Variants in SH2D5 observed in about 807,000 individuals in gnomAD.
The protein encoded by SH2D5 is SH2 domain-containing protein 5.
SH2D5 carries 45 observed loss-of-function variants against 48.2 expected under a neutral mutation model. The ratio of observed to expected loss-of-function variants is 0.93; its 90% CI spans 0.73 to 1.20. SH2D5 has a LOEUF of 1.20. Ranked by LOEUF, SH2D5 falls within the 50% of genes most tolerant of loss-of-function variation. The pLI, the probability that SH2D5 is intolerant of heterozygous loss-of-function variation, is 0.00. For synonymous variants in SH2D5, 230 were observed against 249.8 expected, an observed-to-expected ratio of 0.92 and a Z score of 0.75; for missense variants, 538 against 584.1, an observed-to-expected ratio of 0.92 and a Z score of 0.81.
Position 20,728,030 on chromosome 1 carries a change from C to T in SH2D5, c.15G>A (p.Gly5=), listed in dbSNP as rs1170505041. ...AGTCAGAGGCCCTGCGGCCCCCAGC[C>T]CCCGCCTTCTGCATGGCCCCCAGGG... MQKA[G]AGGRRASDCG... is the part of the protein sequence containing the mutation. The change falls in exon 2 of 10, where the codon GGG becomes GGA. Residue 5 remains glycine, a synonymous_variant. Coordinates refer to ENST00000444387, the MANE Select transcript of SH2D5 (RefSeq NM_001103161.2). This position sits in a 1 kb window ranked among gnomAD's most constrained non-coding sequence, Gnocchi z 4.3. 5 of 1,551,120 alleles carry T rather than the reference C, an allele frequency of 3.2e-6. No individual in the cohort carries two copies. The highest frequency in any genetic ancestry group is 1.9e-5 in the Admixed American group (1 of 51,844).
intron 3 of SH2D5, 98 bp downstream of exon 3, chr1:20,727,425 C>A: frequency 1.7e-6 from 2 of 1,187,660 alleles, no homozygotes; most frequent in Non-Finnish European, 2.4e-6. Context: ...TGTGTCCTGC[C>A]CCTCTCTAAC....
intron 9 of SH2D5, among the ~76,000 whole-genome samples, chr1:20,722,203 G>A (rs1331103084): frequency 6.6e-6 from 1 of 152,190 alleles, no homozygotes; most frequent in Admixed American, 6.5e-5. Flanking sequence ...TTGGAAGTAA[G>A]GGTACACATG....
At position 20,728,680 on chromosome 1, in the gene SH2D5, C is replaced by A. The variant is rs2054854128; in HGVS notation, c.-42-594G>T. Among the ~76,000 whole-genome samples the A allele has an allele frequency of 6.6e-6, 1 of 152,216 alleles. No individual in the cohort carries two copies. Among genetic ancestry groups the A allele is most frequent in the East Asian group, 1.9e-4 (1 of 5,200 alleles). ...CAGGCAGTGGGGGCCCGCAGGCCGACCTCAGCCCTTATCAGAAGGGCAGGC... is the reference window on the plus strand; with the variant it reads ...CAGGCAGTGGGGGCCCGCAGGCCGAACTCAGCCCTTATCAGAAGGGCAGGC... On this transcript the variant is annotated intron_variant, in intron 1 of 9. Transcript: ENST00000444387. This position sits in a 1 kb window ranked among gnomAD's most constrained non-coding sequence, Gnocchi z 4.3.
chr1:20,722,885 G>A lies in SH2D5; in HGVS notation c.939C>T (p.Asp313=), dbSNP rs372422158. ...RPCALALLRR[D]VLGAFLLWPE... is the part of the protein sequence containing the mutation. ...GCCACAGCAGGAAGGCCCCCAGCAC[G>A]TCTCTCCGCAACAGGGCCAGGGCAC... The change falls in exon 9 of 10, where the codon GAC becomes GAT. Residue 313 remains aspartate (D), a synonymous_variant. Transcript: ENST00000444387. The A allele has an allele frequency of 1.1e-4, 182 of 1,603,358 alleles. No homozygotes were observed. The highest frequency in any genetic ancestry group is 1.7e-4 in the Middle Eastern group (1 of 6,016).
chr1:20,728,107 A>T lies in SH2D5; in HGVS notation c.-42-21T>A. Reference sequence around the variant, plus strand: ...GGAGGCTGCAAAGGGCAGGGGGGGAAGGGCTGCTTTCGAGGCAGGCAAGCC... The same window carrying T: ...GGAGGCTGCAAAGGGCAGGGGGGGATGGGCTGCTTTCGAGGCAGGCAAGCC... On this transcript the variant is annotated intron_variant, in intron 1 of 9. Coordinates refer to ENST00000444387, the MANE Select transcript of SH2D5 (RefSeq NM_001103161.2). The surrounding 1 kb of genome is among the most constrained non-coding windows in gnomAD (Gnocchi z 4.3). 8.0e-7 allele frequency: 1 copy of T among 1,243,040 alleles called. No individual in the cohort carries two copies. Among genetic ancestry groups the T allele is most frequent in the South Asian group, 1.3e-5 (1 of 76,146 alleles). 77.0% of individuals were successfully genotyped at this position (1,243,040 alleles called of 1,614,324 possible). A position where few individuals can be genotyped will look rare whatever the true frequency, so the allele number is the denominator to read the frequency against.
intron 7 of SH2D5, 55 bp from the exon 8 acceptor site, chr1:20,723,789 G>GCGGC: frequency 7.0e-7 from 1 of 1,419,394 alleles, no homozygotes; most frequent in Non-Finnish European, 9.8e-7. Flanking sequence ...CCCATTCCCT[G>GCGGC]CGGCCGCAGG....
intron 8 of SH2D5, 136 bp from the exon 9 acceptor site, chr1:20,723,051 C>T: frequency 1.2e-6 from 1 of 817,444 alleles, no homozygotes; most frequent in Non-Finnish European, 1.7e-6. Flanking sequence ...CTCAGTGGCT[C>T]ATGCCTGTAA....
chr1:20,723,053 T>C (rs1044008409), intron 8 of SH2D5, 138 bp from the exon 9 acceptor site: 28 of 800,014 alleles, frequency 3.5e-5, no homozygotes, highest in Non-Finnish European at 4.3e-5. Context: ...CAGTGGCTCA[T>C]GCCTGTAATC....
In SH2D5 at chr1:20,726,381, G is replaced by A. The variant is rs149687006; in HGVS notation, c.244-315C>T. On this transcript the variant is annotated intron_variant, in intron 4 of 9. Transcript: ENST00000444387. ...GGCAGGTGAGGGCAGTCCTCTGAGC[G>A]CCTGTTGTGACGTGTCAGGTAGGGA... 5.9e-5 allele frequency among the ~76,000 whole-genome samples: 9 copies of A among 152,268 alleles called. No individual in the cohort carries two copies. The East Asian group carries it at 1.2e-3, about 20-fold the overall frequency.
Position 20,723,708 on chromosome 1 carries a change from G to A in SH2D5, c.826C>T (p.Arg276Trp), listed in dbSNP as rs184773097. The A allele has an allele frequency of 8.2e-5, 133 of 1,612,940 alleles. No individual in the cohort carries two copies. The Middle Eastern group carries it at 1.8e-3, about 22-fold the overall frequency. Residue 276 changes from arginine (R) to tryptophan (W), a missense_variant, in exon 8 of 10, where the codon CGG (arginine) becomes TGG (tryptophan). By Grantham distance (101) the Arg-to-Trp change is moderately radical (BLOSUM62 -3). Coordinates refer to ENST00000444387, the MANE Select transcript of SH2D5 (RefSeq NM_001103161.2). ...AGGCACGAGTGGCCACCAGGACCCC[G>A]GGGCCATGCCTCCCATGCGGCAGGA... ...AFPAAWEAWP[R>W]GPGGHSCLVE...
intron 9 of SH2D5, 72 bp from the exon 10 acceptor site, chr1:20,722,067 C>CA: frequency 3.5e-6 from 5 of 1,420,210 alleles, no homozygotes; most frequent in Non-Finnish European, 4.8e-6. Flanking sequence ...CACCCGCTCC[C>CA]ACAGGAGCCT....
chr1:20,721,206 C>A lies in SH2D5; in HGVS notation c.*586G>T. ...CCCTCCTGCCCTCTCTGCACCTTCCCACCCCTCCTTCACTCTCAGATACAT... is the reference window on the plus strand; with the variant it reads ...CCCTCCTGCCCTCTCTGCACCTTCCAACCCCTCCTTCACTCTCAGATACAT... On this transcript the variant is annotated 3_prime_UTR_variant, in exon 10 of 10. Transcript: ENST00000444387. The A allele has an allele frequency of 6.5e-6, 1 of 153,604 alleles. No individual in the cohort carries two copies. The allele number at this position is 153,604 out of a possible 1,614,324, so 9.5% of individuals were successfully genotyped here. A position where few individuals can be genotyped will look rare whatever the true frequency, so the allele number is the denominator to read the frequency against.
intron 1 of SH2D5, among the ~76,000 whole-genome samples, chr1:20,731,819 C>T (rs939281410): frequency 8.0e-4 from 121 of 152,140 alleles, no homozygotes; most frequent in African/African-American, 2.6e-3. Flanking sequence ...GCCAGGGGCC[C>T]CGGCAGAGTC....
intron 4 of SH2D5, 44 bp downstream of exon 4, chr1:20,726,957 C>A (rs772909151): frequency 6.6e-7 from 1 of 1,521,398 alleles, no homozygotes; most frequent in African/African-American, 1.4e-5. Flanking sequence ...GGTGGAGACA[C>A]CTGTACCCCT....
chr1:20,722,886 T>A lies in SH2D5; in HGVS notation c.938A>T (p.Asp313Val), dbSNP rs2054715458. ...CCACAGCAGGAAGGCCCCCAGCACG[T>A]CTCTCCGCAACAGGGCCAGGGCACA... ...RPCALALLRR[D>V]VLGAFLLWPE... is the part of the protein sequence containing the mutation. Residue 313 changes from aspartate to valine, a missense_variant, in exon 9 of 10, where the codon GAC becomes GTC. Coordinates refer to ENST00000444387, the MANE Select transcript of SH2D5 (RefSeq NM_001103161.2). 1 of 1,602,996 alleles carries A rather than the reference T, an allele frequency of 6.2e-7. No individual in the cohort carries two copies. The highest frequency in any genetic ancestry group is 1.7e-5 in the Admixed American group (1 of 58,826).
At position 20,732,205 on chromosome 1, in the gene SH2D5, C is replaced by T. The variant is rs1417223695; in HGVS notation, c.-67G>A. 1 of 152,136 alleles carries T rather than the reference C, an allele frequency of 6.6e-6. No homozygotes were observed. Among genetic ancestry groups the T allele is most frequent in the African/African-American group, 2.4e-5 (1 of 41,440 alleles). The allele number at this position is 152,136 out of a possible 1,614,324, so 9.4% of individuals were successfully genotyped here. A position where few individuals can be genotyped will look rare whatever the true frequency, so the allele number is the denominator to read the frequency against. ...CCAATCGGCGCCCGCGGAGCCGCTC[C>T]GCTCGGCCGCACCACCCAATCAGCG... On this transcript the variant is annotated 5_prime_UTR_variant, in exon 1 of 10. Transcript: ENST00000444387. This position sits in a 1 kb window ranked among gnomAD's most constrained non-coding sequence, Gnocchi z 5.1.
At chr1:20,725,857 C>G in intron 5 of SH2D5, 63 bp downstream of exon 5, 1 of 1,589,804 alleles carries the variant, frequency 6.3e-7, no homozygotes, top group Non-Finnish European at 8.6e-7. Flanking sequence ...GGAACCCACC[C>G]TGATGCCTGG....
At chr1:20,724,371 A>T (rs540427416) in intron 6 of SH2D5, 25 bp downstream of exon 6, 2 of 1,608,964 alleles carry the variant, frequency 1.2e-6, no homozygotes, top group African/African-American at 2.7e-5. Flanking sequence ...TCCACTGCCC[A>T]CTCCTTGGCT....
At chr1:20,722,656 A>T in intron 9 of SH2D5, 100 bp downstream of exon 9, 1 of 1,243,850 alleles carries the variant, frequency 8.0e-7, no homozygotes, top group Non-Finnish European at 1.1e-6. Context: ...GGTGAGGCAC[A>T]TTCAGGACCT....
Sources: gnomAD v4.1 joint callset for allele counts (sites outside exome capture counted in the v4.1 genomes callset) on GRCh38, gnomAD v4.1.1 for gene constraint, Gnocchi (gnomAD v3.1) non-coding constraint, MANE v1.5 for transcripts, NCBI Gene and HGNC (gene_info 2026-07-23, HGNC 2026-07-21) for gene names.